Variants in INO80E observed in about 807,000 individuals in gnomAD.
INO80E encodes coiled-coil domain containing 95.
In INO80E, 20 loss-of-function variants were observed where a neutral mutation model predicts 27.3. The ratio of observed to expected loss-of-function variants is 0.73; its 90% CI spans 0.51 to 1.06. INO80E has a LOEUF of 1.06. INO80E is among the 50% of genes least tolerant of loss of function. The pLI is 0.00. For synonymous variants in INO80E, 167 were observed against 145.9 expected, an observed-to-expected ratio of 1.14 and a Z score of -1.04; for missense variants, 357 against 322.8, an observed-to-expected ratio of 1.11 and a Z score of -0.81.
At chr16:29,997,323 C>T (rs11649149) in intron 3 of INO80E, among the ~76,000 whole-genome samples, 73,859 of 152,006 alleles carry the variant, frequency 0.49, 18,136 homozygotes, top group Non-Finnish European at 0.52. Flanking sequence ...ATTGTAGTAG[C>T]AGCCGTACCC....
chr16:29,998,023 T>G (rs371126292), intron 3 of INO80E, among the ~76,000 whole-genome samples: 1 of 151,470 alleles, frequency 6.6e-6, no homozygotes, highest in East Asian at 1.9e-4. Flanking sequence ...AAGGCTGCAG[T>G]GAGCCATGAT....
intron 5 of INO80E, 45 bp downstream of exon 5, chr16:30,001,085 C>A: frequency 1.3e-6 from 2 of 1,502,376 alleles, no homozygotes; most frequent in South Asian, 1.3e-5. Flanking sequence ...GTAAGGTGGG[C>A]GTCATTTGGG....
chr16:29,996,568 G>A lies in INO80E; in HGVS notation c.103G>A (p.Glu35Lys), dbSNP rs1287891285. The A allele has an allele frequency of 1.3e-6, 2 of 1,570,744 alleles. No homozygotes were observed. Among genetic ancestry groups the A allele is most frequent in the South Asian group, 1.2e-5 (1 of 85,498 alleles). The change falls in exon 2 of 7, where the codon GAG becomes AAG. Residue 35 changes from glutamate (E) to lysine (K), a missense_variant. Physicochemically the swap from Glu to Lys is moderately conservative, Grantham distance 56. Transcript: ENST00000563197. ...LIYEHECFQE[E>K]LRKAQRKLLK... Reference sequence around the variant, plus strand: ...ACAGGAGCACGAGTGCTTCCAGGAGGAGCTGAGGAAAGCGCAAAGGAAATT... The same window carrying A: ...ACAGGAGCACGAGTGCTTCCAGGAGAAGCTGAGGAAAGCGCAAAGGAAATT...
intron 3 of INO80E, among the ~76,000 whole-genome samples, chr16:29,997,297 C>T (rs941156488): frequency 2.0e-5 from 3 of 152,180 alleles, no homozygotes; most frequent in Non-Finnish European, 4.4e-5. Context: ...CTTTGAAGCA[C>T]CTACTGAACT....
In INO80E at chr16:30,005,324, C is replaced by CCCCACA; in HGVS notation, c.617_618insCCCACA (p.Pro206_Lys207insProHis). The CCCCACA allele has an allele frequency of 7.8e-7, 1 of 1,281,872 alleles. No homozygotes were observed. The highest frequency in any genetic ancestry group is 1.0e-6 in the Non-Finnish European group (1 of 988,516). The allele number at this position is 1,281,872 out of a possible 1,614,324, so 79.4% of individuals were successfully genotyped here. ...ACAACCCTGACCCCCCTCCCACCCCCTAAGATGCCCCCCCCCACGATCCTG... is the reference window on the plus strand; with the variant it reads ...ACAACCCTGACCCCCCTCCCACCCCCCCCACATAAGATGCCCCCCCCCACGATCCTG... On this transcript the variant is annotated inframe_insertion, in exon 7 of 7. Coordinates refer to ENST00000563197, the MANE Select transcript of INO80E (RefSeq NM_173618.3).
Position 30,001,295 on chromosome 16 carries a change from G to A in INO80E, c.397-119G>A, listed in dbSNP as rs367591412. 1.5e-5 allele frequency: 23 copies of A among 1,493,140 alleles called. No individual in the cohort carries two copies. In the Admixed American group the frequency reaches 2.0e-4, roughly 13 times the overall value. 92.5% of individuals were successfully genotyped at this position (1,493,140 alleles called of 1,614,324 possible). ...CGGCCCTTCTGTGCTCGGGAGCCCC[G>A]GGAGCCGCACTCATCACCATCTCTT... On this transcript the variant is annotated intron_variant, in intron 5 of 6. Coordinates refer to ENST00000563197, the MANE Select transcript of INO80E (RefSeq NM_173618.3).
At chr16:29,996,648 G>A (rs752628348) in intron 2 of INO80E, 31 bp downstream of exon 2, 4 of 1,581,258 alleles carry the variant, frequency 2.5e-6, no homozygotes, top group Non-Finnish European at 3.4e-6. Flanking sequence ...GGAGGGCGAT[G>A]TGCTTCCTAG....
chr16:30,003,061 A>C lies in INO80E; in HGVS notation c.513+1531A>C. On this transcript the variant is annotated intron_variant, in intron 6 of 6. Coordinates refer to ENST00000563197, the MANE Select transcript of INO80E (RefSeq NM_173618.3). The surrounding 1 kb of genome is among the most constrained non-coding windows in gnomAD (Gnocchi z 4.4). ...TTAGCAGGGGGGTGGCGGGCAGGGT[A>C]GGGGGTGGCGCAGCACTGGGGGGCA... is the stretch of plus-strand genomic sequence containing the variant. The C allele has an allele frequency of 1.0e-5, 1 of 98,180 alleles. No individual in the cohort carries two copies. The highest frequency in any genetic ancestry group is 4.0e-5 in the African/African-American group (1 of 24,988). The allele number at this position is 98,180 out of a possible 1,614,324, so 6.1% of individuals were successfully genotyped here.
At chr16:30,001,272 G>A in intron 5 of INO80E, 142 bp from the exon 6 acceptor site, 1 of 1,489,578 alleles carries the variant, frequency 6.7e-7, no homozygotes, top group Non-Finnish European at 9.0e-7. Flanking sequence ...CTGCTGCCCG[G>A]CCCTTCTGTG....
chr16:30,000,654 C>G, intron 3 of INO80E, 104 bp from the exon 4 acceptor site: 1 of 907,316 alleles, frequency 1.1e-6, no homozygotes, highest in South Asian at 1.5e-5. Flanking sequence ...CGTGAGCCCC[C>G]GCACCTGGTC....
Position 30,005,139 on chromosome 16 carries a change from T to C in INO80E, c.514-82T>C. 2.2e-6 allele frequency: 3 copies of C among 1,388,256 alleles called. No homozygotes were observed. In the South Asian group the frequency reaches 5.2e-5, roughly 24 times the overall value. 86.0% of individuals were successfully genotyped at this position (1,388,256 alleles called of 1,614,324 possible). A position where few individuals can be genotyped will look rare whatever the true frequency, so the allele number is the denominator to read the frequency against. On this transcript the variant is annotated intron_variant, in intron 6 of 6. Transcript: ENST00000563197. The stretch of plus-strand genomic sequence containing the variant: ...AGGGCCTCTTCCCCCTCCCCAGAGC[T>C]GCCCTGGGGGGCAAAGCCTAGTCTC...
chr16:29,996,741 G>A, intron 2 of INO80E, 67 bp from the exon 3 acceptor site: 2 of 1,598,556 alleles, frequency 1.3e-6, no homozygotes, highest in Non-Finnish European at 1.7e-6. Flanking sequence ...AGCTGGGAGG[G>A]ACAGGTACCC....
chr16:29,996,740 G>T, intron 2 of INO80E, 68 bp from the exon 3 acceptor site: 4 of 1,597,152 alleles, frequency 2.5e-6, no homozygotes, highest in Non-Finnish European at 2.6e-6. Flanking sequence ...CAGCTGGGAG[G>T]GACAGGTACC....
intron 6 of INO80E, 92 bp downstream of exon 6, chr16:30,001,622 TGAACAGTTAATTTGGG>T: frequency 8.1e-7 from 1 of 1,237,320 alleles, no homozygotes; most frequent in Non-Finnish European, 1.1e-6. Flanking sequence ...CAGAGAACCA[TGAACAGTTAATTTGGG>T]GACCCAGTCA....
chr16:29,996,352 A>T lies in INO80E; in HGVS notation c.42A>T (p.Lys14Asn). The T allele has an allele frequency of 1.2e-6, 2 of 1,600,672 alleles. No individual in the cohort carries two copies. Among genetic ancestry groups the T allele is most frequent in the East Asian group, 2.3e-5 (1 of 44,388 alleles). The change falls in exon 1 of 7, where the codon AAA (lysine) becomes AAT (asparagine). Residue 14 changes from lysine (K) to asparagine (N), a missense_variant. Physicochemically the swap from Lys to Asn is moderately conservative, Grantham distance 94 (BLOSUM62 0). Coordinates refer to ENST00000563197, the MANE Select transcript of INO80E (RefSeq NM_173618.3). ...ACGGCGAAGTGGACTACAAAAAAAA[A>T]TACCGGAATCTGAAGCGGAAGCTCA... ...PADGEVDYKK[K>N]YRNLKRKLKF...
At chr16:29,997,749 C>G (rs1229121170) in intron 3 of INO80E, among the ~76,000 whole-genome samples, 1 of 142,494 alleles carries the variant, frequency 7.0e-6, no homozygotes, top group Non-Finnish European at 1.5e-5. Flanking sequence ...GGCGAGACTC[C>G]GTCTCAAAAA....
intron 4 of INO80E, 40 bp from the exon 5 acceptor site, chr16:30,000,889 G>T (rs2070323955): frequency 6.2e-7 from 1 of 1,610,452 alleles, no homozygotes; most frequent in African/African-American, 1.3e-5. Flanking sequence ...GGGCGCCTGG[G>T]CTCCTAGCCA....
At position 30,005,307 on chromosome 16, in the gene INO80E, G is replaced by GC; in HGVS notation, c.600_601insC (p.Thr201HisfsTer7). On this transcript the variant is annotated frameshift_variant, in exon 7 of 7. Transcript: ENST00000563197. LOFTEE classifies it high-confidence loss of function. ...CTGGGGCTGGGGTCGGGACAACCCT[G>GC]ACCCCCCTCCCACCCCCTAAGATGC... is the stretch of plus-strand genomic sequence containing the variant. 1.4e-6 allele frequency: 2 copies of GC among 1,387,156 alleles called. No homozygotes were observed. Among genetic ancestry groups the GC allele is most frequent in the South Asian group, 1.7e-5 (1 of 59,516 alleles). The allele number at this position is 1,387,156 out of a possible 1,614,324, so 85.9% of individuals were successfully genotyped here. A position where few individuals can be genotyped will look rare whatever the true frequency, so the allele number is the denominator to read the frequency against.
intron 3 of INO80E, among the ~76,000 whole-genome samples, 193 bp from the exon 4 acceptor site, chr16:30,000,565 A>T (rs1050725563): frequency 6.6e-6 from 1 of 152,180 alleles, no homozygotes; most frequent in Admixed American, 6.5e-5. Context: ...AGGTCTTGCT[A>T]GGTTGTCCAG....
Sources: allele counts gnomAD v4.1 joint callset (sites outside exome capture counted in the v4.1 genomes callset), GRCh38; gene constraint gnomAD v4.1.1; non-coding constraint Gnocchi (gnomAD v3.1); transcripts MANE v1.5; gene names NCBI Gene and HGNC (gene_info 2026-07-23, HGNC 2026-07-21).